The following ZFPM1 variants were observed in gnomAD, a reference collection of about 807,000 sequenced individuals.
ZFPM1 encodes the protein zinc finger protein, FOG family member 1, also known as zinc finger protein ZFPM1.
Under a neutral mutation model 46.3 loss-of-function variants are expected in ZFPM1, and 28 were observed. That is an observed-to-expected ratio of 0.60 (90% CI 0.45 to 0.83). ZFPM1 has a LOEUF of 0.83. ZFPM1 is among the 40% of genes least tolerant of loss of function. The pLI is 0.00. For missense variants in ZFPM1, 1,878 were observed against 1,432.4 expected, an observed-to-expected ratio of 1.31 and a Z score of -5.02; for synonymous variants, 957 against 675.9, an observed-to-expected ratio of 1.42 and a Z score of -6.45.
At chr16:88,483,403 T>C (rs1909052027) in intron 1 of ZFPM1, among the ~76,000 whole-genome samples, 1 of 152,132 alleles carries the variant, frequency 6.6e-6, no homozygotes, top group African/African-American at 2.4e-5. Flanking sequence ...CAGCACACCC[T>C]GGCCCCCGAC....
chr16:88,483,194 T>A (rs1484745784), intron 1 of ZFPM1, among the ~76,000 whole-genome samples: 3 of 152,054 alleles, frequency 2.0e-5, no homozygotes, highest in African/African-American at 7.2e-5. Context: ...GGGTCCCAGC[T>A]AGAGCCCCAA....
At position 88,514,504 on chromosome 16, in the gene ZFPM1, C is replaced by T. The variant is rs992029136; in HGVS notation, c.386C>T (p.Pro129Leu). 4 of 1,561,950 alleles carry T rather than the reference C, an allele frequency of 2.6e-6. No individual in the cohort carries two copies. In the African/African-American group the frequency reaches 4.1e-5, roughly 16 times the overall value. The change falls in exon 4 of 10, where the codon CCC (proline) becomes CTC (leucine). Residue 129 changes from proline to leucine, a missense_variant. Transcript: ENST00000319555. ...AGTGTCCAGACCAGAGCCTCATCCC[C>T]CAGGCAGGCGGAGCCGGTAAGAAGC... The part of the protein sequence containing the change: ...HGSVQTRASS[P>L]RQAEPSPALT...
In ZFPM1 at chr16:88,497,470, G is replaced by A. The variant is rs1909996590; in HGVS notation, c.268+8317G>A. Among the ~76,000 whole-genome samples, 1 of 141,080 alleles carries A rather than the reference G, an allele frequency of 7.1e-6. No individual in the cohort carries two copies. Among genetic ancestry groups the A allele is most frequent in the Non-Finnish European group, 1.6e-5 (1 of 64,122 alleles). 92.6% of individuals were successfully genotyped at this position (141,080 alleles called of 152,430 possible). On this transcript the variant is annotated intron_variant, in intron 3 of 9. Coordinates refer to ENST00000319555, the MANE Select transcript of ZFPM1 (RefSeq NM_153813.3). This position sits in a 1 kb window ranked among gnomAD's most constrained non-coding sequence, Gnocchi z 5.4. ...ATGGGGTTCAGAGGGGTCAGGGTGGGGCTCAGGGCCCGGGCGGGGATGGGG... is the reference window on the plus strand; with the variant it reads ...ATGGGGTTCAGAGGGGTCAGGGTGGAGCTCAGGGCCCGGGCGGGGATGGGG...
intron 5 of ZFPM1, among the ~76,000 whole-genome samples, chr16:88,527,546 C>T (rs1178325952): frequency 2.0e-5 from 3 of 152,012 alleles, no homozygotes; most frequent in Non-Finnish European, 4.4e-5. Flanking sequence ...GGCCTGAGGG[C>T]GGCACCGCAG....
chr16:88,486,080 C>G, intron 2 of ZFPM1, 37 bp downstream of exon 2: 1 of 1,580,514 alleles, frequency 6.3e-7, no homozygotes, highest in Non-Finnish European at 8.6e-7. Context: ...CGCCTCCAGC[C>G]GGGGCCTCCA....
intron 3 of ZFPM1, among the ~76,000 whole-genome samples, chr16:88,503,354 G>A (rs1191084997): frequency 6.9e-6 from 1 of 144,660 alleles, no homozygotes; most frequent in Non-Finnish European, 1.5e-5. Flanking sequence ...GGGGGCCCAC[G>A]GTTCCTGAGT....
chr16:88,529,210 C>T (rs546131623), intron 6 of ZFPM1, among the ~76,000 whole-genome samples: 11 of 152,234 alleles, frequency 7.2e-5, no homozygotes, highest in Non-Finnish European at 1.2e-4. Flanking sequence ...GCACGAGTCA[C>T]GCAGGGAACA....
chr16:88,534,501 C>A lies in ZFPM1; in HGVS notation c.2543C>A (p.Ala848Glu). ...YSCPAAPPPG[A>E]LGLPAAACPY... Reference sequence around the variant, plus strand: ...TGCCCCGCTGCGCCACCGCCCGGCGCGCTCGGCCTGCCCGCCGCCGCCTGC... The same window carrying A: ...TGCCCCGCTGCGCCACCGCCCGGCGAGCTCGGCCTGCCCGCCGCCGCCTGC... The change falls in exon 10 of 10, where the codon GCG becomes GAG. Residue 848 changes from alanine (A) to glutamate (E), a missense_variant. Coordinates refer to ENST00000319555, the MANE Select transcript of ZFPM1 (RefSeq NM_153813.3). 1.4e-6 allele frequency: 2 copies of A among 1,459,358 alleles called. No homozygotes were observed. The highest frequency in any genetic ancestry group is 2.4e-5 in the Admixed American group (1 of 41,748). The allele number at this position is 1,459,358 out of a possible 1,614,324, so 90.4% of individuals were successfully genotyped here.
At chr16:88,468,465 A>G (rs1908261169) in intron 1 of ZFPM1, among the ~76,000 whole-genome samples, 2 of 152,282 alleles carry the variant, frequency 1.3e-5, no homozygotes, top group Non-Finnish European at 1.5e-5. Flanking sequence ...AGGGGTTGGG[A>G]CTTGGGGCCA....
At position 88,533,368 on chromosome 16, in the gene ZFPM1, G is replaced by A. The variant is rs1414452028; in HGVS notation, c.1410G>A (p.Pro470=). The part of the protein sequence containing the change: ...RSIKVEAVEE[P]EAAPILGPGE... ...TCAAGGTGGAGGCGGTGGAGGAGCC[G>A]GAGGCGGCCCCCATCCTGGGCCCCG... The change falls in exon 10 of 10, where the codon CCG becomes CCA. Residue 470 remains proline, a synonymous_variant. Transcript: ENST00000319555. 3.9e-6 allele frequency: 6 copies of A among 1,529,788 alleles called. No homozygotes were observed. Among genetic ancestry groups the A allele is most frequent in the East Asian group, 2.5e-5 (1 of 39,912 alleles). 94.8% of individuals were successfully genotyped at this position (1,529,788 alleles called of 1,614,324 possible).
At chr16:88,526,779 A>G in intron 4 of ZFPM1, 35 bp from the exon 5 acceptor site, 6 of 1,489,650 alleles carry the variant, frequency 4.0e-6, no homozygotes, top group Non-Finnish European at 4.5e-6. Flanking sequence ...CTGCTGACGG[A>G]CCCCTCCCCA....
intron 1 of ZFPM1, among the ~76,000 whole-genome samples, chr16:88,463,728 C>T (rs11076779): frequency 0.39 from 58,976 of 152,138 alleles, 12,277 homozygotes; most frequent in African/African-American, 0.52. Flanking sequence ...TGGTGGTTTT[C>T]ATAGGAGACC....
rs1301703271 is a variant in ZFPM1 at position 88,534,349 on chromosome 16, G to A, written c.2391G>A (p.Leu797=). ...CCGCGGCCGACGGCCCCATCGACCT[G>A]AGCAAGAAGCCGCGGCGCCCGCTCC... ...PGPAADGPID[L]SKKPRRPLPG... Residue 797 remains leucine (L), a synonymous_variant, in exon 10 of 10, where the codon CTG becomes CTA. Coordinates refer to ENST00000319555, the MANE Select transcript of ZFPM1 (RefSeq NM_153813.3). 2.8e-6 allele frequency: 4 copies of A among 1,413,410 alleles called. No individual in the cohort carries two copies. Among genetic ancestry groups the A allele is most frequent in the Non-Finnish European group, 3.7e-6 (4 of 1,086,558 alleles). 87.6% of individuals were successfully genotyped at this position (1,413,410 alleles called of 1,614,324 possible). A position where few individuals can be genotyped will look rare whatever the true frequency, so the allele number is the denominator to read the frequency against.
intron 3 of ZFPM1, among the ~76,000 whole-genome samples, chr16:88,500,504 G>A (rs910943677): frequency 5.2e-5 from 8 of 152,392 alleles, no homozygotes; most frequent in South Asian, 2.1e-4. Context: ...CAGAAACAGC[G>A]CTATTAGAGA....
In ZFPM1 at chr16:88,496,792, G is replaced by A. The variant is rs781128097; in HGVS notation, c.268+7639G>A. Among the ~76,000 whole-genome samples the A allele has an allele frequency of 7.9e-4, 120 of 152,300 alleles. 1 individual carries two copies. Among genetic ancestry groups the A allele is most frequent in the Non-Finnish European group, 1.4e-3 (93 of 68,018 alleles). On this transcript the variant is annotated intron_variant, in intron 3 of 9. Transcript: ENST00000319555. Reference sequence around the variant, plus strand: ...CTCTCACTGGGCGTTTCCTGTGAGGGGGGCTCTCGACTCCTGGTATACAGG... The same window carrying A: ...CTCTCACTGGGCGTTTCCTGTGAGGAGGGCTCTCGACTCCTGGTATACAGG...
intron 1 of ZFPM1, among the ~76,000 whole-genome samples, chr16:88,475,646 A>G (rs974099756): frequency 1.6e-4 from 24 of 152,260 alleles, no homozygotes; most frequent in Non-Finnish European, 2.1e-4. Context: ...AGGGCTCGGG[A>G]AAAGGGTGCA....
intron 3 of ZFPM1, among the ~76,000 whole-genome samples, chr16:88,511,376 G>C (rs934192155): frequency 6.6e-6 from 1 of 152,100 alleles, no homozygotes; most frequent in Non-Finnish European, 1.5e-5. Flanking sequence ...CGGGCCCCAG[G>C]CTTCCTGGTG....
intron 7 of ZFPM1, 142 bp downstream of exon 7, chr16:88,532,377 C>T (rs1415784213): frequency 3.6e-5 from 35 of 968,858 alleles, no homozygotes; most frequent in Admixed American, 2.0e-4. Context: ...CCAGGGCCCC[C>T]GCAGGGGCCC....
chr16:88,524,637 C>A (rs1231880940), intron 4 of ZFPM1, among the ~76,000 whole-genome samples: 1 of 152,250 alleles, frequency 6.6e-6, no homozygotes, highest in Non-Finnish European at 1.5e-5. Context: ...TAATATGCAT[C>A]CTGTGCTGGG....
Sources: gnomAD v4.1 joint callset for allele counts (sites outside exome capture counted in the v4.1 genomes callset) on GRCh38, gnomAD v4.1.1 for gene constraint, Gnocchi (gnomAD v3.1) non-coding constraint, MANE v1.5 for transcripts, NCBI Gene and HGNC (gene_info 2026-07-23, HGNC 2026-07-21) for gene names.